UNC80: variants seen among roughly 807,000 people sequenced by gnomAD.
UNC80 encodes the protein protein unc-80 homolog.
UNC80 carries 164 observed loss-of-function variants against 384.6 expected under a neutral mutation model. That is an observed-to-expected ratio of 0.43 (90% CI 0.38 to 0.49). The LOEUF (loss-of-function observed/expected upper bound fraction) is 0.49. Ranked by LOEUF, UNC80 falls within the 20% of genes least tolerant of loss-of-function variation. The pLI, the probability that UNC80 is intolerant of heterozygous loss-of-function variation, is 0.00. For synonymous variants in UNC80, 1,486 were observed against 1,527.8 expected, an observed-to-expected ratio of 0.97 and a Z score of 0.64; for missense variants, 3,330 against 4,143.0, an observed-to-expected ratio of 0.80 and a Z score of 5.39.
intron 29 of UNC80, among the ~76,000 whole-genome samples, chr2:209,908,179 A>G (rs1005359253): frequency 3.9e-5 from 6 of 152,258 alleles, no homozygotes; most frequent in African/African-American, 1.4e-4. Context: ...AAATGAAAAC[A>G]GAGTGGGCAA....
At chr2:209,900,838 G>GT (rs1358491779) in intron 28 of UNC80, among the ~76,000 whole-genome samples, 1 of 152,182 alleles carries the variant, frequency 6.6e-6, no homozygotes, top group East Asian at 1.9e-4. Context: ...TATGGAGAAA[G>GT]TTTTAGTGGT....
Position 209,996,392 on chromosome 2 carries a change from G to T in UNC80, c.*797G>T, listed in dbSNP as rs2093484143. On this transcript the variant is annotated 3_prime_UTR_variant, in exon 65 of 65. Coordinates refer to ENST00000673920, the MANE Select transcript of UNC80 (RefSeq NM_001371986.1). ...GTATATATAATCACTTAAAAGAGATGGTATTCCTATTCCTAGCCCTGACTA... is the reference window on the plus strand; with the variant it reads ...GTATATATAATCACTTAAAAGAGATTGTATTCCTATTCCTAGCCCTGACTA... 1 of 152,090 alleles carries T rather than the reference G, an allele frequency of 6.6e-6. No individual in the cohort carries two copies. The highest frequency in any genetic ancestry group is 1.5e-5 in the Non-Finnish European group (1 of 67,992). 9.4% of individuals were successfully genotyped at this position (152,090 alleles called of 1,614,324 possible).
rs143836715 is a variant in UNC80 at position 209,918,003 on chromosome 2, C to A, written c.5211+45C>A. ...GAGGAGTTACATTAGCAAACCCAACCCAAGGTTTGTTTAAACCGTTGAACC... is the reference window on the plus strand; with the variant it reads ...GAGGAGTTACATTAGCAAACCCAACACAAGGTTTGTTTAAACCGTTGAACC... On this transcript the variant is annotated intron_variant, in intron 32 of 64. Transcript: ENST00000673920. The A allele has an allele frequency of 4.1e-4, 631 of 1,533,020 alleles. 3 individuals are homozygous for A. In the African/African-American group the frequency reaches 7.5e-3, roughly 18 times the overall value. The allele number at this position is 1,533,020 out of a possible 1,614,324, so 95.0% of individuals were successfully genotyped here. A position where few individuals can be genotyped will look rare whatever the true frequency, so the allele number is the denominator to read the frequency against.
In UNC80 at chr2:209,907,278, G is replaced by A. The variant is rs564579625; in HGVS notation, c.4782+2313G>A. Among the ~76,000 whole-genome samples the A allele has an allele frequency of 2.3e-5, 3 of 128,720 alleles. No individual in the cohort carries two copies. In the Admixed American group the frequency reaches 2.5e-4, roughly 11 times the overall value. 84.4% of individuals were successfully genotyped at this position (128,720 alleles called of 152,430 possible). ...ATGCTGAGCCCATACTTTGCGCTGG[G>A]TACAATAATGGGCAAAAAAAAAAAA... On this transcript the variant is annotated intron_variant, in intron 29 of 64. Coordinates refer to ENST00000673920, the MANE Select transcript of UNC80 (RefSeq NM_001371986.1).
At chr2:209,952,998 T>C (rs1259979349) in intron 47 of UNC80, among the ~76,000 whole-genome samples, 3 of 152,178 alleles carry the variant, frequency 2.0e-5, no homozygotes, top group Admixed American at 6.5e-5. Context: ...CAAAAACTCA[T>C]TGGTATCTGT....
rs1431093207 is a variant in UNC80, at chr2:209,993,416, G to A, written c.9498G>A (p.Thr3166=). ...CTCGCAGGAGCATTCAACCTAAAAC[G>A]AAGCCGTCTGGTGAGGCCTCCTGTG... The part of the protein sequence containing the change: ...STTRRSIQPK[T]KPSADQKRSV... The change falls in exon 63 of 65, where the codon ACG becomes ACA. Residue 3166 remains threonine (T), a synonymous_variant. Coordinates refer to ENST00000673920, the MANE Select transcript of UNC80 (RefSeq NM_001371986.1). 2.6e-6 allele frequency: 4 copies of A among 1,551,400 alleles called. No homozygotes were observed. Among genetic ancestry groups the A allele is most frequent in the Middle Eastern group, 1.7e-4 (1 of 5,990 alleles).
chr2:209,902,368 A>C (rs1008006341), intron 28 of UNC80, among the ~76,000 whole-genome samples: 4 of 152,236 alleles, frequency 2.6e-5, no homozygotes, highest in Non-Finnish European at 5.9e-5. Flanking sequence ...TGCAATGACA[A>C]CAGATAATTT....
At chr2:209,966,111 A>T (rs900695849) in intron 51 of UNC80, among the ~76,000 whole-genome samples, 8 of 152,158 alleles carry the variant, frequency 5.3e-5, no homozygotes, top group Admixed American at 5.2e-4. Flanking sequence ...TCTGTCCTAC[A>T]TTCCAGTTCC....
intron 17 of UNC80, among the ~76,000 whole-genome samples, chr2:209,834,510 C>T (rs776001605): frequency 1.3e-5 from 2 of 152,184 alleles, no homozygotes; most frequent in Non-Finnish European, 2.9e-5. Context: ...AAAGCAATTA[C>T]TGATGCCATA....
intron 6 of UNC80, 131 bp from the exon 7 acceptor site, chr2:209,793,589 T>G (rs1010286153): frequency 1.9e-6 from 2 of 1,040,380 alleles, no homozygotes; most frequent in African/African-American, 3.2e-5. Flanking sequence ...AATATCATAA[T>G]TAACTATAGT....
At chr2:209,807,089 G>A (rs985532287) in intron 7 of UNC80, among the ~76,000 whole-genome samples, 1 of 151,848 alleles carries the variant, frequency 6.6e-6, no homozygotes, top group African/African-American at 2.4e-5. Flanking sequence ...TTTTGTATAG[G>A]GTCAATTACA....
At chr2:209,953,274 C>T (rs896182025) in intron 47 of UNC80, among the ~76,000 whole-genome samples, 13 of 151,786 alleles carry the variant, frequency 8.6e-5, no homozygotes, top group Admixed American at 7.2e-4. Flanking sequence ...AAAAATTATC[C>T]GGGCATTGTA....
At chr2:209,858,702 A>C (rs572994245) in intron 22 of UNC80, among the ~76,000 whole-genome samples, 2,076 of 151,952 alleles carry the variant, frequency 0.014, 32 homozygotes, top group Non-Finnish European at 0.022. Context: ...TCCAAAAAAA[A>C]AAAAAGAAAG....
intron 47 of UNC80, among the ~76,000 whole-genome samples, chr2:209,949,092 G>C (rs2092038829): frequency 6.6e-6 from 1 of 152,010 alleles, no homozygotes. Flanking sequence ...TGCTAGATTT[G>C]GTTTGCAATT....
chr2:209,781,376 A>G (rs2153824926), intron 4 of UNC80, among the ~76,000 whole-genome samples: 1 of 152,220 alleles, frequency 6.6e-6, no homozygotes, highest in African/African-American at 2.4e-5. Flanking sequence ...ATCCTATCTG[A>G]TTTTCTACAA....
At chr2:209,921,237 C>A (rs920497334) in intron 33 of UNC80, among the ~76,000 whole-genome samples, 2 of 152,118 alleles carry the variant, frequency 1.3e-5, no homozygotes, top group Non-Finnish European at 2.9e-5. Flanking sequence ...GATATCCCTG[C>A]AAATCCTGAG....
intron 2 of UNC80, among the ~76,000 whole-genome samples, chr2:209,774,551 CACTT>C (rs1161805640): frequency 1.3e-5 from 2 of 152,058 alleles, no homozygotes; most frequent in African/African-American, 2.4e-5. Context: ...GTATTAGTGA[CACTT>C]AATGAGAAAA....
intron 48 of UNC80, among the ~76,000 whole-genome samples, chr2:209,955,692 AATATATATATATATATATATAT>A (rs57804600): frequency 0.057 from 2,930 of 51,626 alleles, 151 homozygotes; most frequent in Non-Finnish European, 0.089. Context: ...CTGTATTTCT[AATATATATATATATATATATAT>A]ATATATATAT....
chr2:209,995,370 C>T lies in UNC80; in HGVS notation c.9750C>T (p.Asp3250=). The T allele has an allele frequency of 6.4e-7, 1 of 1,552,160 alleles. No individual in the cohort carries two copies. Among genetic ancestry groups the T allele is most frequent in the Non-Finnish European group, 8.7e-7 (1 of 1,147,088 alleles). Residue 3250 remains aspartate, a synonymous_variant, in exon 65 of 65, where the codon GAC becomes GAT. Transcript: ENST00000673920. ...CTGAAGAAGGAGAAAAGGAGGAGGA[C>T]ACAGAAGCACAAGGTGCTACTGCAC... The part of the protein sequence containing the change: ...FPTEEGEKEE[D]TEAQGATAHS...
Sources: gnomAD v4.1 joint callset for allele counts (sites outside exome capture counted in the v4.1 genomes callset) on GRCh38, gnomAD v4.1.1 for gene constraint, MANE v1.5 for transcripts, NCBI Gene and HGNC (gene_info 2026-07-23, HGNC 2026-07-21) for gene names.